BICD1: variants seen among roughly 807,000 people sequenced by gnomAD.
The protein encoded by BICD1 is BICD cargo adaptor 1.
BICD1 carries 35 observed loss-of-function variants against 92.5 expected under a neutral mutation model. That is an observed-to-expected ratio of 0.38 (90% CI 0.29 to 0.50). The LOEUF is 0.50. Ranked by LOEUF, BICD1 falls within the 20% of genes least tolerant of loss-of-function variation. The probability of loss-of-function intolerance (pLI) is 0.93; values close to 1 mark genes in which losing one functional copy is unlikely to be tolerated. For synonymous variants in BICD1, 429 were observed against 465.1 expected (o/e 0.92, Z 1.00); for missense variants, 950 against 1,189.8 (o/e 0.80, Z 2.97).
rs1299727863 is a variant in BICD1, at chr12:32,383,324, A to G, written c.*5697A>G. ...TTTAAAAATATGAATTTCAAAAGAA[A>G]TGTTCTCAAAGACACATGCATTTAT... On this transcript the variant is annotated 3_prime_UTR_variant, in exon 10 of 10. Coordinates refer to ENST00000652176, the MANE Select transcript of BICD1 (RefSeq NM_001714.4). The G allele has an allele frequency of 6.6e-6, 1 of 152,186 alleles. No individual in the cohort carries two copies. Among genetic ancestry groups the G allele is most frequent in the African/African-American group, 2.4e-5 (1 of 41,458 alleles). 9.4% of individuals were successfully genotyped at this position (152,186 alleles called of 1,614,324 possible).
At chr12:32,269,233 T>G (rs780610823) in intron 2 of BICD1, among the ~76,000 whole-genome samples, 1 of 152,230 alleles carries the variant, frequency 6.6e-6, no homozygotes, top group African/African-American at 2.4e-5. Flanking sequence ...GAAAGATAGA[T>G]TTGTTTAAAA....
At chr12:32,284,515 G>C (rs1054514327) in intron 2 of BICD1, among the ~76,000 whole-genome samples, 1 of 152,040 alleles carries the variant, frequency 6.6e-6, no homozygotes, top group Non-Finnish European at 1.5e-5. Flanking sequence ...GATGTTCCCC[G>C]ATCTGTCCCC....
chr12:32,308,648 T>C (rs1221937173), intron 4 of BICD1, among the ~76,000 whole-genome samples: 5 of 152,208 alleles, frequency 3.3e-5, no homozygotes, highest in African/African-American at 1.2e-4. Flanking sequence ...GGGACTGATG[T>C]GGATACTGGT....
chr12:32,312,429 T>G (rs1948404999), intron 4 of BICD1, among the ~76,000 whole-genome samples: 1 of 152,134 alleles, frequency 6.6e-6, no homozygotes, highest in Admixed American at 6.5e-5. Flanking sequence ...TGAAACTGTG[T>G]ATAAGTCATA....
At chr12:32,375,435 CAGG>C (rs890344293) in intron 9 of BICD1, among the ~76,000 whole-genome samples, 3 of 152,062 alleles carry the variant, frequency 2.0e-5, no homozygotes, top group African/African-American at 7.2e-5. Flanking sequence ...GAGGCTGAAG[CAGG>C]AGAATTGCTT....
At chr12:32,204,860 C>A (rs1945003048) in intron 1 of BICD1, among the ~76,000 whole-genome samples, 1 of 152,180 alleles carries the variant, frequency 6.6e-6, no homozygotes, top group African/African-American at 2.4e-5. Context: ...GAATTACTAG[C>A]TCAAGACACT....
intron 1 of BICD1, among the ~76,000 whole-genome samples, chr12:32,154,579 GT>G (rs1262388305): frequency 3.9e-5 from 6 of 152,144 alleles, no homozygotes; most frequent in Non-Finnish European, 8.8e-5. Context: ...GACTTTGCAG[GT>G]CTTGCTGAAA....
At position 32,381,110 on chromosome 12, in the gene BICD1, T is replaced by G. The variant is rs1940161403; in HGVS notation, c.*3483T>G. The G allele has an allele frequency of 6.6e-6, 1 of 152,106 alleles. No homozygotes were observed. The highest frequency in any genetic ancestry group is 2.4e-5 in the African/African-American group (1 of 41,442). The allele number at this position is 152,106 out of a possible 1,614,324, so 9.4% of individuals were successfully genotyped here. On this transcript the variant is annotated 3_prime_UTR_variant, in exon 10 of 10. Coordinates refer to ENST00000652176, the MANE Select transcript of BICD1 (RefSeq NM_001714.4). ...TTTTAAGTTTTAAAATACATTAAAATTTTACTGGTTAATCATAAAATATTT... is the reference window on the plus strand; with the variant it reads ...TTTTAAGTTTTAAAATACATTAAAAGTTTACTGGTTAATCATAAAATATTT...
chr12:32,107,532 G>C lies in BICD1; in HGVS notation c.201G>C (p.Glu67Asp). ...ACGACAGCCTCAAACAGGAGCTGGA[G>C]CAGCTCAAAGAGGTGAGTTGCCTGT... ...AEYDSLKQEL[E>D]QLKEAFGQSF... Residue 67 changes from glutamate (E) to aspartate (D), a missense_variant, in exon 1 of 10, where the codon GAG (glutamate) becomes GAC (aspartate). Physicochemically the swap from Glu to Asp is conservative, Grantham distance 45. Coordinates refer to ENST00000652176, the MANE Select transcript of BICD1 (RefSeq NM_001714.4). 1 of 1,588,340 alleles carries C rather than the reference G, an allele frequency of 6.3e-7. No homozygotes were observed. The highest frequency in any genetic ancestry group is 8.6e-7 in the Non-Finnish European group (1 of 1,167,756).
chr12:32,218,620 T>A (rs1945426766), intron 2 of BICD1, among the ~76,000 whole-genome samples: 1 of 152,224 alleles, frequency 6.6e-6, no homozygotes, highest in African/African-American at 2.4e-5. Flanking sequence ...ACATAGTAGA[T>A]TTGCAGTAAG....
At chr12:32,226,567 A>G (rs562091562) in intron 2 of BICD1, among the ~76,000 whole-genome samples, 2 of 152,322 alleles carry the variant, frequency 1.3e-5, no homozygotes, top group South Asian at 4.1e-4. Context: ...CAGGGAGCAT[A>G]TCACCAACCA....
chr12:32,355,027 A>G (rs1323715500), intron 8 of BICD1, among the ~76,000 whole-genome samples: 1 of 152,190 alleles, frequency 6.6e-6, no homozygotes, highest in Non-Finnish European at 1.5e-5. Flanking sequence ...ATTCACTAAC[A>G]TTATTAATCA....
At chr12:32,307,911 G>A (rs530018997) in intron 4 of BICD1, among the ~76,000 whole-genome samples, 1 of 152,318 alleles carries the variant, frequency 6.6e-6, no homozygotes, top group African/African-American at 2.4e-5. Context: ...GTGGCTTTGA[G>A]ATAAAAAGTT....
chr12:32,250,389 C>A (rs1241780982), intron 2 of BICD1, among the ~76,000 whole-genome samples: 2 of 152,166 alleles, frequency 1.3e-5, no homozygotes, highest in African/African-American at 4.8e-5. Context: ...GGGATACATA[C>A]TGCTCATTAA....
At chr12:32,146,936 C>T (rs1053794459) in intron 1 of BICD1, among the ~76,000 whole-genome samples, 1 of 150,144 alleles carries the variant, frequency 6.7e-6, no homozygotes, top group Non-Finnish European at 1.5e-5. Flanking sequence ...CCTTCCTCCT[C>T]CTTCTTCTTC....
rs1196062058 is a variant in BICD1 at position 32,379,580 on chromosome 12, G to A, written c.*1953G>A. The A allele has an allele frequency of 6.6e-6, 1 of 152,156 alleles. No individual in the cohort carries two copies. Among genetic ancestry groups the A allele is most frequent in the Non-Finnish European group, 1.5e-5 (1 of 68,044 alleles). The allele number at this position is 152,156 out of a possible 1,614,324, so 9.4% of individuals were successfully genotyped here. A position where few individuals can be genotyped will look rare whatever the true frequency, so the allele number is the denominator to read the frequency against. On this transcript the variant is annotated 3_prime_UTR_variant, in exon 10 of 10. Transcript: ENST00000652176. ...TCTTCATTTCACTGGCGTTGTATCT[G>A]CCTAGTACCAGTATTAGTGAGACTG...
intron 1 of BICD1, among the ~76,000 whole-genome samples, chr12:32,181,394 T>C (rs1304009037): frequency 6.6e-6 from 1 of 151,302 alleles, no homozygotes; most frequent in African/African-American, 2.4e-5. Flanking sequence ...CACTCCAGCC[T>C]GGGCAACAGA....
chr12:32,287,834 G>C (rs1947614768), intron 2 of BICD1, among the ~76,000 whole-genome samples: 1 of 152,186 alleles, frequency 6.6e-6, no homozygotes, highest in African/African-American at 2.4e-5. Flanking sequence ...ACTGTGCCCG[G>C]CCTCGGCTGG....
intron 1 of BICD1, among the ~76,000 whole-genome samples, chr12:32,136,561 C>G (rs182400273): frequency 4.6e-5 from 7 of 152,284 alleles, no homozygotes; most frequent in Admixed American, 4.6e-4. Context: ...CAGCCAGGTC[C>G]AGACATGGAC....
Sources: gnomAD v4.1 joint callset for allele counts (sites outside exome capture counted in the v4.1 genomes callset) on GRCh38, gnomAD v4.1.1 for gene constraint, MANE v1.5 for transcripts, NCBI Gene and HGNC (gene_info 2026-07-23, HGNC 2026-07-21) for gene names.